C10orf90: variants seen among roughly 807,000 people sequenced by gnomAD.
C10orf90 encodes the protein (E2-independent) E3 ubiquitin-conjugating enzyme FATS.
C10orf90 carries 56 observed loss-of-function variants against 62.5 expected under a neutral mutation model. That is an observed-to-expected ratio of 0.90 (90% confidence interval 0.72 to 1.12). The LOEUF (loss-of-function observed/expected upper bound fraction) is 1.12. Among genes scored for constraint, C10orf90 ranks in the 50% most tolerant of loss-of-function variants. C10orf90 has a pLI of 0.00. For synonymous variants in C10orf90, 386 were observed against 340.4 expected (o/e 1.13, Z -1.47); for missense variants, 970 against 880.4 (o/e 1.10, Z -1.29).
intron 2 of C10orf90, among the ~76,000 whole-genome samples, chr10:126,580,432 G>T (rs1349357113): frequency 6.6e-6 from 1 of 152,112 alleles, no homozygotes. Flanking sequence ...GAGGCAGGTG[G>T]ATCACAGTCA....
chr10:126,501,965 TACACCACACACAC>T (rs1009785545), intron 4 of C10orf90, among the ~76,000 whole-genome samples: 5 of 145,422 alleles, frequency 3.4e-5, no homozygotes, highest in Admixed American at 1.4e-4. Context: ...ACACCACATA[TACACCACACACAC>T]ACACCACACA....
chr10:126,603,989 C>T (rs1845254341), intron 2 of C10orf90, among the ~76,000 whole-genome samples: 1 of 152,172 alleles, frequency 6.6e-6, no homozygotes, highest in African/African-American at 2.4e-5. Flanking sequence ...TCAAAAGTGG[C>T]TGAGCTCGAA....
At chr10:126,663,514 G>T (rs558206834) in intron 1 of C10orf90, among the ~76,000 whole-genome samples, 1 of 152,158 alleles carries the variant, frequency 6.6e-6, no homozygotes, top group African/African-American at 2.4e-5. Context: ...GCTGTGGTGA[G>T]CTTCAATGAG....
chr10:126,660,056 C>A (rs1846476872), intron 1 of C10orf90, among the ~76,000 whole-genome samples: 1 of 152,216 alleles, frequency 6.6e-6, no homozygotes. Context: ...ATCCCAAGGG[C>A]TCCTTCTATT....
intron 2 of C10orf90, among the ~76,000 whole-genome samples, chr10:126,641,195 T>G (rs1239078077): frequency 6.6e-6 from 1 of 152,164 alleles, no homozygotes; most frequent in African/African-American, 2.4e-5. Flanking sequence ...TGGGATGTTT[T>G]TAAGGGATCC....
intron 4 of C10orf90, among the ~76,000 whole-genome samples, chr10:126,490,014 T>TATATAATATATA (rs1861649353): frequency 1.1e-5 from 1 of 92,542 alleles, no homozygotes; most frequent in Admixed American, 1.5e-4. Flanking sequence ...TTATATATAT[T>TATATAATATATA]ATATATAATA....
chr10:126,455,917 G>T (rs1859537618), intron 7 of C10orf90, among the ~76,000 whole-genome samples: 3 of 152,194 alleles, frequency 2.0e-5, no homozygotes, highest in Non-Finnish European at 4.4e-5. Flanking sequence ...CAAGTCCAGG[G>T]ACTGGCTTCT....
chr10:126,444,808 T>C (rs1858638073), intron 7 of C10orf90, among the ~76,000 whole-genome samples: 1 of 152,150 alleles, frequency 6.6e-6, no homozygotes, highest in Non-Finnish European at 1.5e-5. Context: ...AGCATGGTAC[T>C]GGTATAAAAA....
At chr10:126,642,295 G>A (rs1241454588) in intron 2 of C10orf90, among the ~76,000 whole-genome samples, 3 of 152,140 alleles carry the variant, frequency 2.0e-5, no homozygotes, top group African/African-American at 7.2e-5. Context: ...CACTTTGGGA[G>A]GCCAAGGTGG....
At chr10:126,668,945 G>A (rs1298194495) in intron 1 of C10orf90, among the ~76,000 whole-genome samples, 4 of 152,024 alleles carry the variant, frequency 2.6e-5, no homozygotes, top group Non-Finnish European at 4.4e-5. Context: ...TTTTATATAC[G>A]AAGAAAACGA....
At position 126,425,834 on chromosome 10, in the gene C10orf90, AGGTAGTGTG is replaced by A; in HGVS notation, c.*21_*29del. On this transcript the variant is annotated 3_prime_UTR_variant, in exon 10 of 10. Coordinates refer to ENST00000488181, the MANE Select transcript of C10orf90 (RefSeq NM_001350921.2). ...CAGCATTCGAAGTCCTCCCAGGTCCAGGTAGTGTGGTCAGCAGGGCAGCCTGTGGTTAGA... is the reference window on the plus strand; with the variant it reads ...CAGCATTCGAAGTCCTCCCAGGTCCAGTCAGCAGGGCAGCCTGTGGTTAGA... The A allele has an allele frequency of 6.2e-7, 1 of 1,610,062 alleles. No homozygotes were observed. Among genetic ancestry groups the A allele is most frequent in the Admixed American group, 1.7e-5 (1 of 59,524 alleles).
At chr10:126,588,237 G>A (rs1198569305) in intron 2 of C10orf90, among the ~76,000 whole-genome samples, 2 of 152,256 alleles carry the variant, frequency 1.3e-5, no homozygotes, top group African/African-American at 4.8e-5. Flanking sequence ...GGTGACGGCA[G>A]TCTCTGTGGT....
intron 7 of C10orf90, among the ~76,000 whole-genome samples, chr10:126,430,350 G>C (rs961535770): frequency 6.6e-6 from 1 of 152,106 alleles, no homozygotes; most frequent in East Asian, 1.9e-4. Flanking sequence ...TCCTAATGTG[G>C]GGAAAGGTAA....
At chr10:126,630,300 C>A (rs764645530) in intron 2 of C10orf90, among the ~76,000 whole-genome samples, 1 of 152,158 alleles carries the variant, frequency 6.6e-6, no homozygotes, top group African/African-American at 2.4e-5. Context: ...CTGAGTCCTG[C>A]AGATGCTGGA....
intron 2 of C10orf90, among the ~76,000 whole-genome samples, chr10:126,565,425 T>TTATATTATATAA (rs1463091976): frequency 3.7e-4 from 6 of 16,272 alleles, no homozygotes; most frequent in Non-Finnish European, 1.1e-3. Context: ...ATTATATATA[T>TTATATTATATAA]TATATATATT....
At chr10:126,473,330 C>G (rs1860685791) in intron 4 of C10orf90, among the ~76,000 whole-genome samples, 1 of 152,146 alleles carries the variant, frequency 6.6e-6, no homozygotes, top group Non-Finnish European at 1.5e-5. Flanking sequence ...AACCAATATC[C>G]ATTTTTGGTT....
At chr10:126,549,550 C>A (rs889678517) in intron 2 of C10orf90, among the ~76,000 whole-genome samples, 1 of 152,178 alleles carries the variant, frequency 6.6e-6, no homozygotes, top group African/African-American at 2.4e-5. Context: ...CAGGATTACT[C>A]TTACACTGCT....
chr10:126,577,060 A>T (rs1033272014), intron 2 of C10orf90, among the ~76,000 whole-genome samples: 2 of 151,838 alleles, frequency 1.3e-5, no homozygotes, highest in African/African-American at 4.8e-5. Context: ...AGATAGGAAG[A>T]ATAAATCCTA....
Position 126,486,001 on chromosome 10 carries a change from G to T in C10orf90, c.1534+17956C>A, listed in dbSNP as rs534626136. Among the ~76,000 whole-genome samples the T allele has an allele frequency of 3.3e-4, 50 of 152,030 alleles. 1 individual carries two copies. The East Asian group carries it at 7.2e-3, about 22-fold the overall frequency. ...ATAAAGACATGTTTAAAAATATATG[G>T]CTCAGCTGGCAAGAATGTAAGGAAA... is the stretch of plus-strand genomic sequence containing the variant. On this transcript the variant is annotated intron_variant, in intron 4 of 9. Coordinates refer to ENST00000488181, the MANE Select transcript of C10orf90 (RefSeq NM_001350921.2).
Sources: allele counts gnomAD v4.1 joint callset (sites outside exome capture counted in the v4.1 genomes callset), GRCh38; gene constraint gnomAD v4.1.1; transcripts MANE v1.5; gene names NCBI Gene and HGNC (gene_info 2026-07-23, HGNC 2026-07-21).